ATP6V0A1: variants seen among roughly 807,000 people sequenced by gnomAD.
ATP6V0A1 encodes ATPase H+ transporting V0 subunit a1.
ATP6V0A1 carries 43 observed loss-of-function variants against 105.4 expected under a neutral mutation model. That is an observed-to-expected ratio of 0.41 (90% CI 0.32 to 0.53). The LOEUF (loss-of-function observed/expected upper bound fraction) is 0.53. Among genes scored for constraint, ATP6V0A1 ranks in the 20% least tolerant of loss-of-function variants. ATP6V0A1 has a pLI of 0.30. For missense variants in ATP6V0A1, 676 were observed against 1,051.1 expected, an observed-to-expected ratio of 0.64 and a Z score of 4.93; for synonymous variants, 362 against 372.8, an observed-to-expected ratio of 0.97 and a Z score of 0.33.
At chr17:42,461,111 A>G (rs1206736567) in intron 2 of ATP6V0A1, 100 bp downstream of exon 2, 2 of 1,004,550 alleles carry the variant, frequency 2.0e-6, no homozygotes, top group Non-Finnish European at 3.1e-6. Context: ...TTGCAAAAAT[A>G]ACATTATAGC....
intron 5 of ATP6V0A1, chr17:42,471,215 T>A (rs1331220331): frequency 2.7e-5 from 4 of 150,244 alleles, no homozygotes; most frequent in Non-Finnish European, 4.4e-5. Context: ...GGTCAGGAGA[T>A]CAAGACCATC....
intron 9 of ATP6V0A1, among the ~76,000 whole-genome samples, chr17:42,486,347 G>A (rs550156268): frequency 8.5e-5 from 13 of 152,150 alleles, no homozygotes; most frequent in African/African-American, 3.1e-4. Context: ...GGAGGTGGAG[G>A]TTGTGGTGAG....
intron 9 of ATP6V0A1, among the ~76,000 whole-genome samples, chr17:42,486,218 C>T (rs2090092669): frequency 6.6e-6 from 1 of 152,080 alleles, no homozygotes; most frequent in Non-Finnish European, 1.5e-5. Context: ...CGAGACCAGC[C>T]TGACCAACAT....
At position 42,464,040 on chromosome 17, in the gene ATP6V0A1, G is replaced by A. The variant is rs1418491815; in HGVS notation, c.118-2389G>A. Among the ~76,000 whole-genome samples, 2 of 152,100 alleles carry A rather than the reference G, an allele frequency of 1.3e-5. 1 individual carries two copies. Among genetic ancestry groups the A allele is most frequent in the South Asian group, 4.1e-4 (2 of 4,824 alleles). On this transcript the variant is annotated intron_variant, in intron 2 of 21. Coordinates refer to ENST00000343619, the MANE Select transcript of ATP6V0A1 (RefSeq NM_001130021.3). ...TTGGTCTTACTGTCTCAGGCTGGCC[G>A]AGGTGGAGGAAAATCTGTGTGTTAG...
intron 19 of ATP6V0A1, 67 bp from the exon 20 acceptor site, chr17:42,513,794 C>G (rs2092469780): frequency 4.1e-6 from 6 of 1,473,404 alleles, no homozygotes; most frequent in Non-Finnish European, 5.7e-6. Flanking sequence ...CAAGTAGCCA[C>G]AACTCAGAAT....
intron 19 of ATP6V0A1, chr17:42,509,764 G>A (rs915428258): frequency 6.6e-6 from 1 of 152,214 alleles, no homozygotes; most frequent in African/African-American, 2.4e-5. Flanking sequence ...CAGCGTTCTC[G>A]TTTGTAGCCA....
intron 5 of ATP6V0A1, among the ~76,000 whole-genome samples, chr17:42,473,262 C>A (rs1414575652): frequency 1.3e-5 from 2 of 152,148 alleles, no homozygotes; most frequent in Admixed American, 6.5e-5. Flanking sequence ...AGGTCTTTTG[C>A]AATAGGCATC....
chr17:42,483,260 A>G, intron 9 of ATP6V0A1, 129 bp downstream of exon 9: 1 of 539,908 alleles, frequency 1.9e-6, no homozygotes, highest in Non-Finnish European at 2.9e-6. Flanking sequence ...AGAAATGTAC[A>G]TGGGTAATAT....
intron 1 of ATP6V0A1, chr17:42,460,517 T>TC (rs1036933551): frequency 1.3e-4 from 26 of 194,962 alleles, no homozygotes; most frequent in African/African-American, 6.0e-4. Flanking sequence ...CAATATTGTG[T>TC]CCTGGGTATT....
Position 42,490,539 on chromosome 17 carries a change from A to G in ATP6V0A1, c.1076A>G (p.Gln359Arg), listed in dbSNP as rs2090525076. ...ATTTTGAACAGGATGCAGACAAACCAGACTCCCCCAACCTATAACAAAACC... is the reference window on the plus strand; with the variant it reads ...ATTTTGAACAGGATGCAGACAAACCGGACTCCCCCAACCTATAACAAAACC... ...PSILNRMQTN[Q>R]TPPTYNKTNK... The change falls in exon 11 of 22, where the codon CAG (glutamine) becomes CGG (arginine). Residue 359 changes from glutamine (Q) to arginine (R), a missense_variant. This residue lies in a region of ATP6V0A1 where 435 missense variants were observed against 642.2 expected (regional missense o/e 0.68). Transcript: ENST00000343619. 2 of 1,613,654 alleles carry G rather than the reference A, an allele frequency of 1.2e-6. No homozygotes were observed. The highest frequency in any genetic ancestry group is 1.1e-5 in the South Asian group (1 of 90,990).
chr17:42,515,363 A>G (rs2092569905), intron 21 of ATP6V0A1, among the ~76,000 whole-genome samples: 1 of 150,802 alleles, frequency 6.6e-6, no homozygotes, highest in South Asian at 2.1e-4. Context: ...GCTACTCAGG[A>G]GGCTGAGGCA....
chr17:42,479,691 C>T (rs1351509694), intron 7 of ATP6V0A1, among the ~76,000 whole-genome samples: 1 of 152,140 alleles, frequency 6.6e-6, no homozygotes, highest in Non-Finnish European at 1.5e-5. Context: ...ATCCTCCATG[C>T]CGTGGAGGAG....
At chr17:42,491,380 G>T (rs1311191654) in intron 11 of ATP6V0A1, among the ~76,000 whole-genome samples, 2 of 151,990 alleles carry the variant, frequency 1.3e-5, no homozygotes, top group African/African-American at 2.4e-5. Flanking sequence ...GCGTGATCTT[G>T]GCTCACCGCA....
Position 42,508,569 on chromosome 17 carries a change from A to G in ATP6V0A1, c.2113-3A>G. 1 of 1,613,930 alleles carries G rather than the reference A, an allele frequency of 6.2e-7. No individual in the cohort carries two copies. Among genetic ancestry groups the G allele is most frequent in the Non-Finnish European group, 8.5e-7 (1 of 1,179,874 alleles). On this transcript the variant is annotated splice_polypyrimidine_tract_variant and splice_region_variant and intron_variant, in intron 18 of 21. Coordinates refer to ENST00000343619, the MANE Select transcript of ATP6V0A1 (RefSeq NM_001130021.3). ...CCACTAAGTGTAAATTTGTGTTTTC[A>G]AGCCTTCCGAGGACGAAGTGGTAAG...
chr17:42,494,974 A>G, intron 12 of ATP6V0A1, 60 bp from the exon 13 acceptor site: 1 of 1,542,440 alleles, frequency 6.5e-7, no homozygotes, highest in South Asian at 1.1e-5. Flanking sequence ...TCTGAATAAC[A>G]TTGTCACAAT....
chr17:42,491,728 C>T (rs186156966), intron 11 of ATP6V0A1, among the ~76,000 whole-genome samples: 2 of 152,198 alleles, frequency 1.3e-5, no homozygotes, highest in African/African-American at 4.8e-5. Flanking sequence ...GGTGATCTGC[C>T]TGCCTCTGCC....
intron 17 of ATP6V0A1, 103 bp downstream of exon 17, chr17:42,501,407 C>G (rs2091658094): frequency 1.3e-6 from 1 of 794,814 alleles, no homozygotes; most frequent in African/African-American, 1.8e-5. Context: ...TCTATATATT[C>G]TTTTTCTTTT....
intron 14 of ATP6V0A1, among the ~76,000 whole-genome samples, chr17:42,496,757 G>A (rs1404483594): frequency 3.3e-5 from 5 of 152,034 alleles, no homozygotes; most frequent in East Asian, 1.9e-4. Flanking sequence ...AATTGCTTGC[G>A]CCCGGGAGGA....
chr17:42,500,112 C>T (rs941528992), intron 15 of ATP6V0A1, among the ~76,000 whole-genome samples: 1 of 150,466 alleles, frequency 6.6e-6, no homozygotes, highest in African/African-American at 2.5e-5. Context: ...ACTGTGGTCT[C>T]AAAATGTACT....
Sources: allele counts gnomAD v4.1 joint callset (sites outside exome capture counted in the v4.1 genomes callset), GRCh38; gene constraint gnomAD v4.1.1; regional missense constraint gnomAD v4.1.1; transcripts MANE v1.5; gene names NCBI Gene and HGNC (gene_info 2026-07-23, HGNC 2026-07-21).